The following BLVRA variants were observed in gnomAD, a reference collection of about 807,000 sequenced individuals.
BLVRA encodes BVR A.
A neutral mutation model predicts 32.8 loss-of-function variants in BLVRA; 22 were observed. The observed-to-expected ratio is 0.67, with a 90% confidence interval of 0.48 to 0.96. The LOEUF is 0.96. BLVRA is among the 40% of genes least tolerant of loss of function. The probability of loss-of-function intolerance (pLI) is 0.00; values close to 1 mark genes in which losing one functional copy is unlikely to be tolerated. For missense variants in BLVRA, 323 were observed against 358.1 expected (o/e 0.90, Z 0.79); for synonymous variants, 119 against 141.3 (o/e 0.84, Z 1.12).
chr7:43,768,711 C>T (rs1285121003), intron 1 of BLVRA, among the ~76,000 whole-genome samples: 1 of 152,040 alleles, frequency 6.6e-6, no homozygotes, highest in African/African-American at 2.4e-5. Flanking sequence ...CCAAGGGAGA[C>T]TTGAATGAAA....
chr7:43,787,761 C>T lies in BLVRA; in HGVS notation c.13-143C>T, dbSNP rs1585730365. The T allele has an allele frequency of 1.8e-5, 23 of 1,296,766 alleles. No homozygotes were observed. In the East Asian group the frequency reaches 5.1e-4, roughly 29 times the overall value. The allele number at this position is 1,296,766 out of a possible 1,614,324, so 80.3% of individuals were successfully genotyped here. A position where few individuals can be genotyped will look rare whatever the true frequency, so the allele number is the denominator to read the frequency against. On this transcript the variant is annotated intron_variant, in intron 2 of 7. Transcript: ENST00000265523. The surrounding 1 kb of genome is among the most constrained non-coding windows in gnomAD (Gnocchi z 4.5). ...GCCCCCATTTCGGGGACTGTCTCAT[C>T]CCATCCTGATGCTGTGGCTTCCTGT...
intron 1 of BLVRA, among the ~76,000 whole-genome samples, chr7:43,760,654 A>G (rs1186390103): frequency 6.6e-6 from 1 of 152,168 alleles, no homozygotes; most frequent in Non-Finnish European, 1.5e-5. Context: ...TTAATCAAAT[A>G]GTGAAACTTT....
intron 2 of BLVRA, among the ~76,000 whole-genome samples, chr7:43,781,317 AC>A (rs1471139886): frequency 6.6e-6 from 1 of 151,732 alleles, no homozygotes; most frequent in East Asian, 1.9e-4. Flanking sequence ...CTTGCTACTG[AC>A]CCCTGGCAAC....
intron 7 of BLVRA, among the ~76,000 whole-genome samples, chr7:43,805,417 G>A (rs953813355): frequency 6.6e-6 from 1 of 152,026 alleles, no homozygotes; most frequent in African/African-American, 2.4e-5. Flanking sequence ...CGAGTAGCTG[G>A]GATTATAGGC....
At chr7:43,761,414 T>C (rs1055434772) in intron 1 of BLVRA, among the ~76,000 whole-genome samples, 1 of 152,240 alleles carries the variant, frequency 6.6e-6, no homozygotes, top group Admixed American at 6.5e-5. Context: ...AATTAATTTA[T>C]ATTCCAATAG....
rs192365660 is a variant in BLVRA, at chr7:43,796,062, G to A, written c.352+3250G>A. On this transcript the variant is annotated intron_variant, in intron 5 of 7. Transcript: ENST00000265523. ...GAGGTTGTGCTGAGGGGAGGTTGTG[G>A]TGAGCCGAGATTGCACCACTGTACT... Among the ~76,000 whole-genome samples, 107 of 149,766 alleles carry A rather than the reference G, an allele frequency of 7.1e-4. 1 individual carries two copies. The East Asian group carries it at 0.019, about 27-fold the overall frequency.
intron 1 of BLVRA, chr7:43,767,153 G>A (rs1417461275): frequency 3.5e-5 from 17 of 491,094 alleles, no homozygotes; most frequent in East Asian, 1.0e-4. Context: ...GCTTTCCCCA[G>A]ATTATGTAGG....
intron 5 of BLVRA, among the ~76,000 whole-genome samples, chr7:43,795,021 G>A (rs977758307): frequency 6.6e-6 from 1 of 151,698 alleles, no homozygotes; most frequent in Non-Finnish European, 1.5e-5. Context: ...GAGGAGCCTG[G>A]GCAACATGGT....
intron 1 of BLVRA, 68 bp from the exon 2 acceptor site, chr7:43,771,070 G>A (rs1443176218): frequency 7.3e-7 from 1 of 1,378,432 alleles, no homozygotes; most frequent in Non-Finnish European, 1.0e-6. Context: ...GGGTGGCAAA[G>A]GGGAATGTTT....
At chr7:43,802,733 G>T (rs181221643) in intron 6 of BLVRA, among the ~76,000 whole-genome samples, 11 of 151,974 alleles carry the variant, frequency 7.2e-5, no homozygotes, top group Non-Finnish European at 1.2e-4. Context: ...ACTCCTGGGC[G>T]CAAGCAGTCT....
chr7:43,788,051 A>G (rs1487022615), intron 3 of BLVRA, 26 bp downstream of exon 3: 1 of 1,614,084 alleles, frequency 6.2e-7, no homozygotes, highest in East Asian at 2.2e-5. Context: ...TTTGTGCTTC[A>G]TAATTCATGG....
chr7:43,775,865 T>C lies in BLVRA; in HGVS notation c.12+4695T>C, dbSNP rs975396832. On this transcript the variant is annotated intron_variant, in intron 2 of 7. Transcript: ENST00000265523. ...GATTCAACTTCTTCCTGGTTTAGTC[T>C]TGGGAGGGTGTATGTGTTGAGGAAT... is the stretch of plus-strand genomic sequence containing the variant. 3.0e-4 allele frequency among the ~76,000 whole-genome samples: 45 copies of C among 152,332 alleles called. 1 individual carries two copies. Among genetic ancestry groups the C allele is most frequent in the Admixed American group, 3.9e-4 (6 of 15,298 alleles).
At chr7:43,762,868 C>T (rs544578834) in intron 1 of BLVRA, among the ~76,000 whole-genome samples, 5 of 152,134 alleles carry the variant, frequency 3.3e-5, no homozygotes, top group South Asian at 4.2e-4. Flanking sequence ...ATGCCCGCCT[C>T]GGCCTCCCAA....
In BLVRA at chr7:43,803,978, G is replaced by A. The variant is rs1183722054; in HGVS notation, c.632+131G>A. 4 of 1,052,300 alleles carry A rather than the reference G, an allele frequency of 3.8e-6. No individual in the cohort carries two copies. In the East Asian group the frequency reaches 7.5e-5, roughly 20 times the overall value. The allele number at this position is 1,052,300 out of a possible 1,614,324, so 65.2% of individuals were successfully genotyped here. On this transcript the variant is annotated intron_variant, in intron 7 of 7. Transcript: ENST00000265523. ...TCCAGAAGGGCTGTCTGCTTCTGCAGATGGAGTGCTGAGATTGCACTTGTG... is the reference window on the plus strand; with the variant it reads ...TCCAGAAGGGCTGTCTGCTTCTGCAAATGGAGTGCTGAGATTGCACTTGTG...
intron 1 of BLVRA, among the ~76,000 whole-genome samples, chr7:43,760,863 G>T (rs1241375955): frequency 6.6e-6 from 1 of 151,674 alleles, no homozygotes; most frequent in African/African-American, 2.4e-5. Context: ...CCGCCCCCTG[G>T]GTTCAAGTGA....
chr7:43,794,147 T>C (rs1227657472), intron 5 of BLVRA, among the ~76,000 whole-genome samples: 2 of 151,920 alleles, frequency 1.3e-5, no homozygotes, highest in African/African-American at 2.4e-5. Context: ...GAAGTTCACC[T>C]GAACCTTAGG....
intron 3 of BLVRA, 138 bp downstream of exon 3, chr7:43,788,163 A>T (rs1006237207): frequency 6.7e-7 from 1 of 1,490,912 alleles, no homozygotes; most frequent in Non-Finnish European, 9.2e-7. Context: ...GGTCAGCCCC[A>T]TAAGATCTCA....
intron 2 of BLVRA, among the ~76,000 whole-genome samples, chr7:43,776,516 A>T (rs941734687): frequency 6.6e-6 from 1 of 152,154 alleles, no homozygotes; most frequent in Non-Finnish European, 1.5e-5. Flanking sequence ...ACAGTTTGTT[A>T]TAATTTCTGT....
rs2095779591 is a variant in BLVRA at position 43,787,768 on chromosome 7, T to C, written c.13-136T>C. ...TTTCGGGGACTGTCTCATCCCATCC[T>C]GATGCTGTGGCTTCCTGTGTGTTTT... On this transcript the variant is annotated intron_variant, in intron 2 of 7. Coordinates refer to ENST00000265523, the MANE Select transcript of BLVRA (RefSeq NM_000712.4). The surrounding 1 kb of genome is among the most constrained non-coding windows in gnomAD (Gnocchi z 4.5). 1 of 1,369,108 alleles carries C rather than the reference T, an allele frequency of 7.3e-7. No individual in the cohort carries two copies. Among genetic ancestry groups the C allele is most frequent in the East Asian group, 2.3e-5 (1 of 43,648 alleles). The allele number at this position is 1,369,108 out of a possible 1,614,324, so 84.8% of individuals were successfully genotyped here. A position where few individuals can be genotyped will look rare whatever the true frequency, so the allele number is the denominator to read the frequency against.
Sources: allele counts gnomAD v4.1 joint callset (sites outside exome capture counted in the v4.1 genomes callset), GRCh38; gene constraint gnomAD v4.1.1; non-coding constraint Gnocchi (gnomAD v3.1); transcripts MANE v1.5; gene names NCBI Gene and HGNC (gene_info 2026-07-23, HGNC 2026-07-21).